Variants in MACROD2 observed in about 807,000 individuals in gnomAD.
MACROD2 encodes the protein mono-ADP ribosylhydrolase 2.
MACROD2 carries 36 observed loss-of-function variants against 70.4 expected under a neutral mutation model. That is an observed-to-expected ratio of 0.51 (90% CI 0.39 to 0.68). The LOEUF (loss-of-function observed/expected upper bound fraction) is 0.68. MACROD2 is among the 30% of genes least tolerant of loss of function. The pLI, the probability that MACROD2 is intolerant of heterozygous loss-of-function variation, is 0.00. For synonymous variants in MACROD2, 172 were observed against 178.8 expected (o/e 0.96, Z 0.30); for missense variants, 496 against 538.4 (o/e 0.92, Z 0.78).
At chr20:15,624,828 T>A (rs1483799411) in intron 8 of MACROD2, among the ~76,000 whole-genome samples, 1 of 152,206 alleles carries the variant, frequency 6.6e-6, no homozygotes, top group Non-Finnish European at 1.5e-5. Context: ...CACCACTGGT[T>A]AAGTCTTATT....
chr20:15,930,538 G>C lies in MACROD2; in HGVS notation c.776-2738G>C, dbSNP rs80027652. ...GGAAATTGATGAAAGCAATATACCT[G>C]GACCGTTTTATCTGAGGACATGTTA... On this transcript the variant is annotated intron_variant, in intron 10 of 17. Transcript: ENST00000684519. Among the ~76,000 whole-genome samples, 130 of 152,312 alleles carry C rather than the reference G, an allele frequency of 8.5e-4. 1 individual carries two copies. The East Asian group carries it at 0.023, about 26-fold the overall frequency.
chr20:14,871,538 G>A (rs1274634447), intron 5 of MACROD2, among the ~76,000 whole-genome samples: 1 of 152,020 alleles, frequency 6.6e-6, no homozygotes, highest in East Asian at 1.9e-4. Flanking sequence ...ATATGGAAAG[G>A]AAAGACTATT....
intron 8 of MACROD2, among the ~76,000 whole-genome samples, chr20:15,816,151 G>C (rs1317787009): frequency 6.6e-6 from 1 of 151,900 alleles, no homozygotes; most frequent in East Asian, 1.9e-4. Context: ...TATACCCATA[G>C]GACTAACTTA....
intron 8 of MACROD2, among the ~76,000 whole-genome samples, chr20:15,631,589 C>T (rs1373773654): frequency 6.6e-6 from 1 of 152,152 alleles, no homozygotes; most frequent in Non-Finnish European, 1.5e-5. Context: ...TTAAATTCCT[C>T]TTTCTTGAAC....
chr20:15,782,101 G>C (rs754936602), intron 8 of MACROD2, among the ~76,000 whole-genome samples: 1 of 152,084 alleles, frequency 6.6e-6, no homozygotes, highest in Non-Finnish European at 1.5e-5. Context: ...TTGAAAACTT[G>C]CATTTTTATT....
At chr20:15,713,461 C>T (rs1337126133) in intron 8 of MACROD2, among the ~76,000 whole-genome samples, 1 of 152,154 alleles carries the variant, frequency 6.6e-6, no homozygotes, top group Non-Finnish European at 1.5e-5. Context: ...GCTTCTGCTT[C>T]TGAGAAAGCC....
intron 3 of MACROD2, among the ~76,000 whole-genome samples, chr20:14,268,368 G>A (rs922268426): frequency 2.6e-5 from 4 of 151,938 alleles, no homozygotes; most frequent in Admixed American, 6.6e-5. Flanking sequence ...CAAATATCAC[G>A]CTTTGCCTTT....
intron 10 of MACROD2, among the ~76,000 whole-genome samples, chr20:15,930,144 C>T (rs918585085): frequency 2.0e-5 from 3 of 152,142 alleles, no homozygotes; most frequent in Admixed American, 6.6e-5. Flanking sequence ...TATTGTAAGG[C>T]TTTTAAAATC....
At chr20:14,340,337 T>C (rs1601508203) in intron 3 of MACROD2, among the ~76,000 whole-genome samples, 2 of 152,124 alleles carry the variant, frequency 1.3e-5, no homozygotes, top group East Asian at 1.9e-4. Flanking sequence ...CTTAATCTCT[T>C]TGAGTTTGTT....
chr20:14,592,723 A>G (rs1049796621), intron 4 of MACROD2, among the ~76,000 whole-genome samples: 5 of 152,210 alleles, frequency 3.3e-5, no homozygotes, highest in African/African-American at 1.2e-4. Context: ...AGCAGTAGCT[A>G]CAGGAGGTCC....
At chr20:15,140,203 C>A (rs2076181420) in intron 5 of MACROD2, among the ~76,000 whole-genome samples, 1 of 152,128 alleles carries the variant, frequency 6.6e-6, no homozygotes, top group Non-Finnish European at 1.5e-5. Flanking sequence ...TATGACTTGT[C>A]CTGACCCTCC....
intron 5 of MACROD2, among the ~76,000 whole-genome samples, chr20:14,924,184 G>T (rs1160663405): frequency 1.3e-5 from 2 of 152,130 alleles, no homozygotes; most frequent in Non-Finnish European, 2.9e-5. Flanking sequence ...GAGTTGGCTG[G>T]GTGTGGTGGC....
intron 3 of MACROD2, among the ~76,000 whole-genome samples, chr20:14,198,756 C>T (rs1168755385): frequency 1.3e-5 from 2 of 152,058 alleles, no homozygotes; most frequent in Admixed American, 1.3e-4. Flanking sequence ...CTCTCTTTCT[C>T]TTCCTCTCTC....
chr20:15,756,459 C>A (rs2051349074), intron 8 of MACROD2, among the ~76,000 whole-genome samples: 1 of 151,878 alleles, frequency 6.6e-6, no homozygotes, highest in Non-Finnish European at 1.5e-5. Context: ...GATTTTTAAC[C>A]CCCTAAGCAG....
At chr20:15,154,701 C>T (rs2076294641) in intron 5 of MACROD2, among the ~76,000 whole-genome samples, 1 of 152,180 alleles carries the variant, frequency 6.6e-6, no homozygotes, top group African/African-American at 2.4e-5. Flanking sequence ...GTTACTGGAG[C>T]ACTAAGCCCA....
At chr20:14,227,399 ACACT>A (rs1379077759) in intron 3 of MACROD2, among the ~76,000 whole-genome samples, 2 of 152,142 alleles carry the variant, frequency 1.3e-5, no homozygotes, top group Non-Finnish European at 2.9e-5. Context: ...ATGAGATGTA[ACACT>A]CACCACAAAG....
At chr20:14,898,699 C>T (rs2073859918) in intron 5 of MACROD2, among the ~76,000 whole-genome samples, 1 of 152,180 alleles carries the variant, frequency 6.6e-6, no homozygotes, top group Non-Finnish European at 1.5e-5. Context: ...TATCCTACTG[C>T]CACAGATAAT....
chr20:14,680,478 T>G (rs1356909748), intron 4 of MACROD2, among the ~76,000 whole-genome samples: 4 of 152,012 alleles, frequency 2.6e-5, no homozygotes, highest in Admixed American at 1.3e-4. Flanking sequence ...TAAGAAAAAA[T>G]TGAAATAGAC....
chr20:14,670,401 C>G (rs2070780992), intron 4 of MACROD2, among the ~76,000 whole-genome samples: 1 of 152,154 alleles, frequency 6.6e-6, no homozygotes, highest in African/African-American at 2.4e-5. Context: ...CTGGCACATT[C>G]TAGGTTTTTC....
Sources: allele counts gnomAD v4.1 joint callset (sites outside exome capture counted in the v4.1 genomes callset), GRCh38; gene constraint gnomAD v4.1.1; transcripts MANE v1.5; gene names NCBI Gene and HGNC (gene_info 2026-07-23, HGNC 2026-07-21).